APTX: variants seen among roughly 807,000 people sequenced by gnomAD.
APTX encodes the protein aprataxin.
APTX carries 33 observed loss-of-function variants against 42.3 expected under a neutral mutation model. That is an observed-to-expected ratio of 0.78 (90% CI 0.59 to 1.04). The LOEUF is 1.04. APTX is among the 50% of genes least tolerant of loss of function. The pLI is 0.00. For missense variants in APTX, 421 were observed against 415.1 expected (o/e 1.01, Z -0.12); for synonymous variants, 130 against 146.7 (o/e 0.89, Z 0.82).
chr9:33,005,077 G>A (rs1222193215), upstream of APTX, among the ~76,000 whole-genome samples: 1 of 152,076 alleles, frequency 6.6e-6, no homozygotes, highest in Non-Finnish European at 1.5e-5. Context: ...TGTATTTGGA[G>A]AAATGTCTAT....
chr9:33,009,585 G>C (rs1436037198), intron 1 of APTX, among the ~76,000 whole-genome samples: 1 of 151,934 alleles, frequency 6.6e-6, no homozygotes, highest in Non-Finnish European at 1.5e-5. Flanking sequence ...TTGAGACCAG[G>C]CTGGGCAACA....
chr9:33,024,045 T>C (rs941300582), intron 1 of APTX, among the ~76,000 whole-genome samples: 25 of 152,258 alleles, frequency 1.6e-4, no homozygotes, highest in Admixed American at 1.6e-3. Context: ...AAAGAAATTC[T>C]CTCTGATCTA....
At chr9:33,001,641 CA>C (rs1270550399), upstream of APTX, 7 of 1,612,602 alleles carry the variant, frequency 4.3e-6, no homozygotes, top group African/African-American at 1.3e-5. Context: ...GGGATGACGT[CA>C]GAGGCCGGCT....
At chr9:33,019,803 C>T (rs1838222740) in intron 1 of APTX, 2 of 631,702 alleles carry the variant, frequency 3.2e-6, no homozygotes, top group Non-Finnish European at 5.4e-6. Flanking sequence ...CAACAGTCTT[C>T]AGCTTTCCAG....
At chr9:32,991,333 G>A (rs891652677) in intron 1 of APTX, among the ~76,000 whole-genome samples, 1 of 152,210 alleles carries the variant, frequency 6.6e-6, no homozygotes, top group Admixed American at 6.5e-5. Flanking sequence ...TTATGGCCAT[G>A]TGGACTATCA....
intron 1 of APTX, among the ~76,000 whole-genome samples, chr9:33,021,247 T>G (rs1047037752): frequency 2.0e-5 from 3 of 148,834 alleles, no homozygotes; most frequent in Admixed American, 1.3e-4. Context: ...TAAGAAGAAA[T>G]GATGAAGACC....
At chr9:33,001,672 CA>C (rs1370503163), upstream of APTX, 2 of 1,590,506 alleles carry the variant, frequency 1.3e-6, no homozygotes, top group African/African-American at 2.7e-5. Context: ...CCAGTGACGT[CA>C]CCAGCACCTC....
At chr9:32,999,275 T>C (rs1342791956) in intron 1 of APTX, among the ~76,000 whole-genome samples, 3 of 152,156 alleles carry the variant, frequency 2.0e-5, no homozygotes, top group African/African-American at 7.2e-5. Flanking sequence ...GTCTGAGAGC[T>C]AGATACAGAA....
intron 1 of APTX, chr9:33,019,788 G>A: frequency 1.6e-6 from 1 of 607,900 alleles, no homozygotes; most frequent in Non-Finnish European, 2.8e-6. Flanking sequence ...GAAATTCGGA[G>A]CAGGCAACAG....
In APTX at chr9:32,997,230, T is replaced by C. The variant is rs1033863870; in HGVS notation, c.-5+4337A>G. 1 of 152,204 alleles carries C rather than the reference T, an allele frequency of 6.6e-6. No homozygotes were observed. Among genetic ancestry groups the C allele is most frequent in the South Asian group, 2.1e-4 (1 of 4,836 alleles). The allele number at this position is 152,204 out of a possible 1,614,324, so 9.4% of individuals were successfully genotyped here. Reference sequence around the variant, plus strand: ...CAAAAAACTCAGCCTTAGCCAGGCATGGTGGCACGTACCTGTAGTCCCTGC... The same window carrying C: ...CAAAAAACTCAGCCTTAGCCAGGCACGGTGGCACGTACCTGTAGTCCCTGC... On this transcript the variant is annotated intron_variant, in intron 1 of 7. Transcript: ENST00000379817.
intron 1 of APTX, chr9:33,001,362 A>G: frequency 6.5e-7 from 1 of 1,529,608 alleles, no homozygotes; most frequent in Non-Finnish European, 8.7e-7. Flanking sequence ...GAACAAACGC[A>G]AAGTGGGTCG....
Position 32,987,574 on chromosome 9 carries a change from T to C in APTX, c.453A>G (p.Leu151=), listed in dbSNP as rs1420646856. The stretch of plus-strand genomic sequence containing the variant: ...TGATAGGTGCATCTTTTCCCTTCTT[T>C]AGGGGCACAGAGCATTGGCCAGAGT... ...GSNSGQCSVP[L]KKGKDAPIKK... Residue 151 remains leucine (L), a synonymous_variant, in exon 4 of 8, where the codon CTA becomes CTG. Coordinates refer to ENST00000379817, the MANE Select transcript of APTX (RefSeq NM_001195248.2). 1.2e-6 allele frequency: 2 copies of C among 1,614,118 alleles called. No homozygotes were observed. The highest frequency in any genetic ancestry group is 2.2e-5 in the South Asian group (2 of 91,084).
Position 32,987,670 on chromosome 9 carries a change from G to A in APTX, c.357C>T (p.Gly119=), listed in dbSNP as rs1280329723. The change falls in exon 4 of 8, where the codon GGC becomes GGT. Residue 119 remains glycine (G), a synonymous_variant. Transcript: ENST00000379817. ...LETHRKRKRS[G]NSDSIERDAA... is the part of the protein sequence containing the mutation. Reference sequence around the variant, plus strand: ...CATCCCTTTCTATAGAATCACTGTTGCCTGATCTCTTTCTCTTCCTGTGTG... The same window carrying A: ...CATCCCTTTCTATAGAATCACTGTTACCTGATCTCTTTCTCTTCCTGTGTG... 6.2e-7 allele frequency: 1 copy of A among 1,614,108 alleles called. No homozygotes were observed. The highest frequency in any genetic ancestry group is 8.5e-7 in the Non-Finnish European group (1 of 1,180,032).
intron 1 of APTX, among the ~76,000 whole-genome samples, chr9:32,999,447 C>A (rs548911163): frequency 2.8e-4 from 43 of 152,276 alleles, no homozygotes; most frequent in Non-Finnish European, 5.7e-4. Context: ...TCTGAGAAAC[C>A]TGGCCTTGTT....
chr9:33,003,264 T>C (rs1836845562), upstream of APTX, among the ~76,000 whole-genome samples: 1 of 152,198 alleles, frequency 6.6e-6, no homozygotes, highest in African/African-American at 2.4e-5. Context: ...TTGTCTATAG[T>C]GTATTAGTGG....
intron 1 of APTX, among the ~76,000 whole-genome samples, chr9:32,992,905 G>A (rs1201734191): frequency 6.6e-6 from 1 of 152,218 alleles, no homozygotes; most frequent in Non-Finnish European, 1.5e-5. Flanking sequence ...CTCAAATGAT[G>A]ATGGTGTTAT....
chr9:33,024,205 GT>G (rs1838649282), intron 1 of APTX, among the ~76,000 whole-genome samples: 1 of 152,200 alleles, frequency 6.6e-6, no homozygotes, highest in African/African-American at 2.4e-5. Flanking sequence ...TCGAGACGGG[GT>G]TTCACCATGT....
At position 32,989,996 on chromosome 9, in the gene APTX, T is replaced by G; in HGVS notation, c.-4-101A>C. Reference sequence around the variant, plus strand: ...ACCACGCATGTGATCTACCAGCTGTTCATCTTGAGGCAAGTGACTTCACCA... The same window carrying G: ...ACCACGCATGTGATCTACCAGCTGTGCATCTTGAGGCAAGTGACTTCACCA... On this transcript the variant is annotated intron_variant, in intron 1 of 7. Coordinates refer to ENST00000379817, the MANE Select transcript of APTX (RefSeq NM_001195248.2). The G allele has an allele frequency of 2.7e-6, 4 of 1,467,196 alleles. No individual in the cohort carries two copies. In the South Asian group the frequency reaches 4.8e-5, roughly 18 times the overall value. The allele number at this position is 1,467,196 out of a possible 1,614,324, so 90.9% of individuals were successfully genotyped here. A position where few individuals can be genotyped will look rare whatever the true frequency, so the allele number is the denominator to read the frequency against.
chr9:32,985,843 G>T, intron 5 of APTX, 128 bp downstream of exon 5: 1 of 911,148 alleles, frequency 1.1e-6, no homozygotes, highest in Non-Finnish European at 1.8e-6. Context: ...TGTTCTCACA[G>T]AACAGCCCAA....
Sources: allele counts gnomAD v4.1 joint callset (sites outside exome capture counted in the v4.1 genomes callset), GRCh38; gene constraint gnomAD v4.1.1; transcripts MANE v1.5; gene names NCBI Gene and HGNC (gene_info 2026-07-23, HGNC 2026-07-21).